The following GMEB1 variants were observed in gnomAD, a reference collection of about 807,000 sequenced individuals.
GMEB1 encodes glucocorticoid modulatory element-binding protein 1.
Under a neutral mutation model 52.4 loss-of-function variants are expected in GMEB1, and 6 were observed. The ratio of observed to expected loss-of-function variants is 0.11; its 90% CI spans 0.06 to 0.23. GMEB1 has a LOEUF of 0.23. Ranked by LOEUF, GMEB1 falls within the 10% of genes least tolerant of loss-of-function variation. GMEB1 has a pLI of 1.00. For missense variants in GMEB1, 486 were observed against 685.6 expected, an observed-to-expected ratio of 0.71 and a Z score of 3.25; for synonymous variants, 255 against 244.9, an observed-to-expected ratio of 1.04 and a Z score of -0.38.
chr1:28,688,143 C>T (rs182420400), intron 2 of GMEB1, among the ~76,000 whole-genome samples: 289 of 152,134 alleles, frequency 1.9e-3, no homozygotes, highest in African/African-American at 6.7e-3. Context: ...AATTAGCCAG[C>T]GTGGTGGCGC....
intron 6 of GMEB1, among the ~76,000 whole-genome samples, chr1:28,699,509 A>G (rs1213290473): frequency 1.3e-5 from 2 of 151,812 alleles, no homozygotes; most frequent in African/African-American, 4.8e-5. Flanking sequence ...GGCTCACTGC[A>G]ACCTCCCCCT....
chr1:28,669,536 A>C (rs1319005121), intron 1 of GMEB1, among the ~76,000 whole-genome samples: 1 of 152,044 alleles, frequency 6.6e-6, no homozygotes. Flanking sequence ...AAGGGAAAAA[A>C]GGGCAGGTTT....
At chr1:28,694,847 A>G (rs1219717747) in intron 5 of GMEB1, among the ~76,000 whole-genome samples, 1 of 151,410 alleles carries the variant, frequency 6.6e-6, no homozygotes, top group Non-Finnish European at 1.5e-5. Flanking sequence ...TATTTTTAGT[A>G]GAGACAGGGT....
intron 6 of GMEB1, among the ~76,000 whole-genome samples, chr1:28,698,937 T>TTG: frequency 1.3e-5 from 2 of 152,022 alleles, no homozygotes; most frequent in African/African-American, 4.8e-5. Context: ...TGAGCCGAGA[T>TTG]CGTCCCATAT....
chr1:28,680,262 T>C (rs1669336221), intron 1 of GMEB1, among the ~76,000 whole-genome samples: 1 of 152,176 alleles, frequency 6.6e-6, no homozygotes, highest in African/African-American at 2.4e-5. Flanking sequence ...ATTCTAGAAG[T>C]CTTTTAGGTT....
intron 1 of GMEB1, among the ~76,000 whole-genome samples, chr1:28,676,401 G>A (rs191086192): frequency 1.4e-4 from 21 of 152,224 alleles, no homozygotes; most frequent in East Asian, 7.7e-4. Flanking sequence ...AGTTAACGCA[G>A]GCTCTGTTTC....
chr1:28,691,547 G>A (rs1669963361), intron 3 of GMEB1, 38 bp from the exon 4 acceptor site: 1 of 1,445,928 alleles, frequency 6.9e-7, no homozygotes, highest in Non-Finnish European at 9.4e-7. Flanking sequence ...TTGGGGAAGA[G>A]TTGTTTGATA....
chr1:28,675,024 T>TTG (rs2124452974), intron 1 of GMEB1, among the ~76,000 whole-genome samples: 1 of 120,842 alleles, frequency 8.3e-6, no homozygotes, highest in South Asian at 2.8e-4. Context: ...CGGCCTTTTT[T>TTG]TTTTTTTTTT....
chr1:28,673,151 C>T (rs1325992858), intron 1 of GMEB1, among the ~76,000 whole-genome samples: 2 of 152,206 alleles, frequency 1.3e-5, no homozygotes, highest in African/African-American at 4.8e-5. Context: ...GCCTCGGCCT[C>T]CCGAAGTGCT....
intron 8 of GMEB1, among the ~76,000 whole-genome samples, chr1:28,709,871 G>A (rs1294968537): frequency 1.3e-5 from 2 of 152,024 alleles, no homozygotes; most frequent in Admixed American, 6.6e-5. Context: ...CAAATTGGCC[G>A]GGCGCGGTGG....
At chr1:28,695,584 T>C (rs1408585588) in intron 5 of GMEB1, among the ~76,000 whole-genome samples, 1 of 151,986 alleles carries the variant, frequency 6.6e-6, no homozygotes, top group East Asian at 1.9e-4. Context: ...TTCTTTTTGT[T>C]TTTATTTAAA....
chr1:28,669,108 C>A (rs975510950), intron 1 of GMEB1, among the ~76,000 whole-genome samples: 1 of 149,446 alleles, frequency 6.7e-6, no homozygotes, highest in Admixed American at 6.6e-5. Context: ...GGCCGCGCCG[C>A]CGGGGCTCGG....
intron 1 of GMEB1, among the ~76,000 whole-genome samples, chr1:28,677,869 G>A (rs1418251451): frequency 2.0e-5 from 3 of 151,848 alleles, no homozygotes; most frequent in Non-Finnish European, 4.4e-5. Context: ...TTAAGGAGTG[G>A]AGAGTTTAAT....
chr1:28,714,521 C>T lies in GMEB1; in HGVS notation c.1440C>T (p.Thr480=), dbSNP rs1671204181. Residue 480 remains threonine, a synonymous_variant, in exon 10 of 10, where the codon ACC becomes ACT. Coordinates refer to ENST00000373816, the MANE Select transcript of GMEB1 (RefSeq NM_001319674.2). ...QDGSTLGNMT[T]MVSPVELVAM... is the part of the protein sequence containing the mutation. ...GGAGTACACTGGGCAACATGACCAC[C>T]ATGGTTAGCCCTGTGGAATTGGTGG... is the stretch of plus-strand genomic sequence containing the variant. The T allele has an allele frequency of 1.2e-6, 2 of 1,614,052 alleles. No homozygotes were observed. The highest frequency in any genetic ancestry group is 2.7e-5 in the African/African-American group (2 of 74,940).
intron 5 of GMEB1, among the ~76,000 whole-genome samples, chr1:28,693,626 A>G (rs12044738): frequency 0.38 from 56,897 of 150,956 alleles, 12,301 homozygotes; most frequent in East Asian, 0.76. Context: ...AAGCAATTGT[A>G]GTTTTTAGTA....
At position 28,718,704 on chromosome 1, in the gene GMEB1, G is replaced by A. The variant is rs1184310626; in HGVS notation, c.*3931G>A. 1.3e-5 allele frequency: 2 copies of A among 152,124 alleles called. No homozygotes were observed. The highest frequency in any genetic ancestry group is 2.9e-5 in the Non-Finnish European group (2 of 68,016). 9.4% of individuals were successfully genotyped at this position (152,124 alleles called of 1,614,324 possible). A position where few individuals can be genotyped will look rare whatever the true frequency, so the allele number is the denominator to read the frequency against. On this transcript the variant is annotated 3_prime_UTR_variant, in exon 10 of 10. Transcript: ENST00000373816. ...TTTAAGAATTGGTTCATAGGTTTCA[G>A]CAGACTGCCAAAGGCACAAACAAGC...
At position 28,690,198 on chromosome 1, in the gene GMEB1, TTTGTG is replaced by T; in HGVS notation, c.211+15_211+19del. The T allele has an allele frequency of 1.7e-6, 2 of 1,204,658 alleles. No individual in the cohort carries two copies. The highest frequency in any genetic ancestry group is 2.3e-5 in the Admixed American group (1 of 42,606). The allele number at this position is 1,204,658 out of a possible 1,614,324, so 74.6% of individuals were successfully genotyped here. ...TGAAGAAGGGATTGGTAAGGGTTTTTTTGTGTTTTTTTTTTTTTTTTTTTTTGTCA... is the reference window on the plus strand; with the variant it reads ...TGAAGAAGGGATTGGTAAGGGTTTTTTTTTTTTTTTTTTTTTTTTTTGTCA... On this transcript the variant is annotated intron_variant, in intron 3 of 9. Transcript: ENST00000373816.
At chr1:28,697,162 CATATAT>C (rs71586855) in intron 6 of GMEB1, 78 bp downstream of exon 6, 6,326 of 148,818 alleles carry the variant, frequency 0.043, 231 homozygotes, top group Middle Eastern at 0.057. Flanking sequence ...CTTGTGTGTA[CATATAT>C]ATATATATAT....
intron 8 of GMEB1, among the ~76,000 whole-genome samples, chr1:28,708,178 C>T (rs780365748): frequency 6.6e-6 from 1 of 152,004 alleles, no homozygotes; most frequent in African/African-American, 2.4e-5. Flanking sequence ...GGATTATAGG[C>T]GTGAGCCACC....
Sources: allele counts gnomAD v4.1 joint callset (sites outside exome capture counted in the v4.1 genomes callset), GRCh38; gene constraint gnomAD v4.1.1; transcripts MANE v1.5; gene names NCBI Gene and HGNC (gene_info 2026-07-23, HGNC 2026-07-21).